Variants in SDAD1 observed in about 807,000 individuals in gnomAD.
SDAD1 encodes the protein protein SDA1 homolog.
A neutral mutation model predicts 100.3 loss-of-function variants in SDAD1; 79 were observed. That is an observed-to-expected ratio of 0.79 (90% CI 0.66 to 0.95). The LOEUF is 0.95. SDAD1 is among the 40% of genes least tolerant of loss of function. SDAD1 has a pLI of 0.00. For synonymous variants in SDAD1, 267 were observed against 271.4 expected (o/e 0.98, Z 0.16); for missense variants, 790 against 810.9 (o/e 0.97, Z 0.31).
chr4:75,958,135 G>T (rs745921061), intron 17 of SDAD1, among the ~76,000 whole-genome samples, 194 bp from the exon 18 acceptor site: 11 of 152,194 alleles, frequency 7.2e-5, no homozygotes, highest in Non-Finnish European at 1.0e-4. Context: ...CACTGATCAA[G>T]TATCTACCAT....
In SDAD1 at chr4:75,973,327, G is replaced by A; in HGVS notation, c.701C>T (p.Ser234Phe). The change falls in exon 8 of 22, where the codon TCC becomes TTC. Residue 234 changes from serine to phenylalanine, a missense_variant. Physicochemically the swap from Ser to Phe is radical, Grantham distance 155. Transcript: ENST00000356260. ...KDEDEKQDSD[S>F]ESEDDGPTAR... ...TATGATTAAACTAACCTCAGATTCGGAGTCACTGTCCTGTTTTTCATCTTC... is the reference window on the plus strand; with the variant it reads ...TATGATTAAACTAACCTCAGATTCGAAGTCACTGTCCTGTTTTTCATCTTC... 1 of 1,612,996 alleles carries A rather than the reference G, an allele frequency of 6.2e-7. No individual in the cohort carries two copies. The highest frequency in any genetic ancestry group is 8.5e-7 in the Non-Finnish European group (1 of 1,179,204).
At chr4:75,981,338 C>T (rs750310267) in intron 3 of SDAD1, 34 bp downstream of exon 3, 4 of 1,599,212 alleles carry the variant, frequency 2.5e-6, no homozygotes, top group African/African-American at 1.3e-5. Flanking sequence ...CACATGAACA[C>T]AGCACAATTT....
chr4:75,960,679 C>T (rs556187728), intron 16 of SDAD1, among the ~76,000 whole-genome samples: 29 of 152,332 alleles, frequency 1.9e-4, no homozygotes, highest in African/African-American at 6.0e-4. Context: ...ATCCCTCCTC[C>T]CTTCCAACTT....
intron 11 of SDAD1, among the ~76,000 whole-genome samples, chr4:75,968,307 G>T (rs556279125): frequency 4.6e-5 from 7 of 152,284 alleles, no homozygotes; most frequent in African/African-American, 1.4e-4. Flanking sequence ...CAGAGAAAGG[G>T]AACAATTACT....
chr4:75,967,210 A>C, intron 12 of SDAD1, 67 bp downstream of exon 12: 1 of 1,457,828 alleles, frequency 6.9e-7, no homozygotes, highest in Non-Finnish European at 9.6e-7. Flanking sequence ...TGATTCCAGA[A>C]CAAAAGACTT....
chr4:75,990,685 C>CT (rs1731208847), intron 1 of SDAD1, 67 bp downstream of exon 1: 2 of 1,608,966 alleles, frequency 1.2e-6, no homozygotes, highest in African/African-American at 1.3e-5. Context: ...CCACTCCATG[C>CT]TTTCCCGCAC....
At chr4:75,972,208 G>A (rs1468173631) in intron 8 of SDAD1, among the ~76,000 whole-genome samples, 2 of 152,054 alleles carry the variant, frequency 1.3e-5, no homozygotes, top group African/African-American at 2.4e-5. Flanking sequence ...AAAGTGCTGG[G>A]ATTACAGGTG....
rs538009004 is a variant in SDAD1 at position 75,978,982 on chromosome 4, G to GAAAAAAAAAAAAAAAAAA, written c.295-1244_295-1227dup. 4.2e-4 allele frequency among the ~76,000 whole-genome samples: 16 copies of GAAAAAAAAAAAAAAAAAA among 38,066 alleles called. 1 individual carries two copies. The highest frequency in any genetic ancestry group is 3.4e-3 in the East Asian group (2 of 596). The allele number at this position is 38,066 out of a possible 152,430, so 25.0% of individuals were successfully genotyped here. On this transcript the variant is annotated intron_variant, in intron 3 of 21. Coordinates refer to ENST00000356260, the MANE Select transcript of SDAD1 (RefSeq NM_018115.4). Reference sequence around the variant, plus strand: ...CAGCTGAGTGACAGACCCTGTCTCAGAAAAAAAAAAAAAAAAAAAAAAAAA... The same window carrying GAAAAAAAAAAAAAAAAAA: ...CAGCTGAGTGACAGACCCTGTCTCAGAAAAAAAAAAAAAAAAAAAAAAAAAAAAAAAAAAAAAAAAAAA...
At chr4:75,962,813 T>C (rs1390204446) in intron 14 of SDAD1, among the ~76,000 whole-genome samples, 1 of 152,196 alleles carries the variant, frequency 6.6e-6, no homozygotes, top group Admixed American at 6.5e-5. Context: ...GATGGGTAGA[T>C]TGCAAAAATT....
rs766124253 is a variant in SDAD1, at chr4:75,961,113, T to C, written c.1280-9A>G. 1.2e-6 allele frequency: 2 copies of C among 1,613,134 alleles called. No individual in the cohort carries two copies. Among genetic ancestry groups the C allele is most frequent in the South Asian group, 2.2e-5 (2 of 91,060 alleles). Reference sequence around the variant, plus strand: ...AGCAGACATCATTACATCTGTAAAATAATACTTTTAATTAGAAATTCTGGC... The same window carrying C: ...AGCAGACATCATTACATCTGTAAAACAATACTTTTAATTAGAAATTCTGGC... On this transcript the variant is annotated splice_polypyrimidine_tract_variant and intron_variant, in intron 15 of 21. Transcript: ENST00000356260.
chr4:75,951,997 T>A (rs1315811456), intron 21 of SDAD1, among the ~76,000 whole-genome samples: 1 of 152,220 alleles, frequency 6.6e-6, no homozygotes, highest in Non-Finnish European at 1.5e-5. Flanking sequence ...GTTCAAACTT[T>A]TTGGATTTTA....
At chr4:75,975,335 T>C (rs754223342) in intron 6 of SDAD1, among the ~76,000 whole-genome samples, 10 of 152,218 alleles carry the variant, frequency 6.6e-5, no homozygotes, top group Non-Finnish European at 1.3e-4. Context: ...ATAGGATGAA[T>C]TGACTTGAAA....
chr4:75,986,745 G>C (rs1730918605), intron 1 of SDAD1, among the ~76,000 whole-genome samples: 1 of 152,152 alleles, frequency 6.6e-6, no homozygotes, highest in Non-Finnish European at 1.5e-5. Flanking sequence ...CACCTTTCTT[G>C]GTTGGGCATG....
intron 8 of SDAD1, among the ~76,000 whole-genome samples, chr4:75,972,127 C>T (rs1019037580): frequency 6.6e-6 from 1 of 151,876 alleles, no homozygotes; most frequent in African/African-American, 2.4e-5. Flanking sequence ...TTAGTAGAGA[C>T]GGGTTTTGCC....
intron 1 of SDAD1, among the ~76,000 whole-genome samples, chr4:75,982,633 G>A (rs144314495): frequency 5.9e-5 from 9 of 151,968 alleles, no homozygotes; most frequent in Non-Finnish European, 5.9e-5. Flanking sequence ...TAGGCAACAC[G>A]GAGGCCCTGT....
Position 75,971,453 on chromosome 4 carries a change from A to G in SDAD1, c.717T>C (p.Asp239=). ...CTAGCAGGTCTCTTGCTGTTGGTCC[A>G]TCATCCTAAAGAAGAAATTACTTTG... ...KQDSDSESED[D]GPTARDLLVQ... is the part of the protein sequence containing the mutation. The change falls in exon 9 of 22, where the codon GAT becomes GAC. Residue 239 remains aspartate (D), a synonymous_variant. Transcript: ENST00000356260. 1 of 1,608,740 alleles carries G rather than the reference A, an allele frequency of 6.2e-7. No individual in the cohort carries two copies. Among genetic ancestry groups the G allele is most frequent in the Non-Finnish European group, 8.5e-7 (1 of 1,175,808 alleles).
chr4:75,959,128 A>AC (rs1729087278), intron 17 of SDAD1, among the ~76,000 whole-genome samples: 1 of 134,478 alleles, frequency 7.4e-6, no homozygotes, highest in African/African-American at 2.6e-5. Flanking sequence ...AAAAAAAAAA[A>AC]CCTAAAAAAA....
intron 6 of SDAD1, among the ~76,000 whole-genome samples, chr4:75,974,880 A>C (rs1201835566): frequency 6.6e-6 from 1 of 151,380 alleles, no homozygotes; most frequent in Non-Finnish European, 1.5e-5. Flanking sequence ...TCTCTACTAA[A>C]ATACAAAAAA....
In SDAD1 at chr4:75,955,288, TAATA is replaced by T. The variant is rs539459229; in HGVS notation, c.2016+683_2016+686del. ...CTACGCCCACTCTCACTAAACTTAA[TAATA>T]AATGGTGGTATATCCAGTGCATTGG... On this transcript the variant is annotated intron_variant, in intron 21 of 21. Coordinates refer to ENST00000356260, the MANE Select transcript of SDAD1 (RefSeq NM_018115.4). Among the ~76,000 whole-genome samples the T allele has an allele frequency of 2.9e-4, 44 of 152,306 alleles. No homozygotes were observed. The South Asian group carries it at 8.5e-3, about 29-fold the overall frequency.
Sources: allele counts gnomAD v4.1 joint callset (sites outside exome capture counted in the v4.1 genomes callset), GRCh38; gene constraint gnomAD v4.1.1; transcripts MANE v1.5; gene names NCBI Gene and HGNC (gene_info 2026-07-23, HGNC 2026-07-21).